Variants in CSMD1 observed in about 807,000 individuals in gnomAD.
CSMD1 encodes CUB and sushi domain-containing protein 1.
In CSMD1, 213 loss-of-function variants were observed where a neutral mutation model predicts 417.5. That is an observed-to-expected ratio of 0.51 (90% CI 0.46 to 0.57). The LOEUF (loss-of-function observed/expected upper bound fraction) is 0.57. Ranked by LOEUF, CSMD1 falls within the 20% of genes least tolerant of loss-of-function variation. CSMD1 has a pLI of 0.00. For synonymous variants in CSMD1, 2,862 were observed against 1,736.8 expected (o/e 1.65, Z -16.11); for missense variants, 6,923 against 4,529.7 (o/e 1.53, Z -15.17).
At chr8:3,879,165 C>A (rs933996693) in intron 5 of CSMD1, among the ~76,000 whole-genome samples, 2 of 152,024 alleles carry the variant, frequency 1.3e-5, no homozygotes, top group Non-Finnish European at 2.9e-5. Flanking sequence ...AAGCCTGGAG[C>A]AGGTGGTGGT....
intron 41 of CSMD1, among the ~76,000 whole-genome samples, chr8:3,140,201 A>C (rs1441330811): frequency 1.3e-5 from 2 of 152,180 alleles, no homozygotes; most frequent in African/African-American, 2.4e-5. Context: ...CACCACACCC[A>C]GCCCCGATTA....
rs1802597283 is a variant in CSMD1 at position 2,951,122 on chromosome 8, T to C, written c.10193A>G (p.Lys3398Arg). The C allele has an allele frequency of 6.2e-7, 1 of 1,612,652 alleles. No homozygotes were observed. Among genetic ancestry groups the C allele is most frequent in the Admixed American group, 1.7e-5 (1 of 59,894 alleles). The change falls in exon 66 of 70, where the codon AAG (lysine) becomes AGG (arginine). Residue 3398 changes from lysine to arginine, a missense_variant. Transcript: ENST00000635120. ...TFSEASPVEL[K>R]LTGIYKKEEA... ...AATTCTTCGGGACCTACCTGTCAAC[T>C]TCAGCTCCACTGGCGAGGCTTCGCT...
intron 2 of CSMD1, among the ~76,000 whole-genome samples, chr8:4,451,413 G>C (rs1799138491): frequency 6.6e-6 from 1 of 152,108 alleles, no homozygotes; most frequent in Non-Finnish European, 1.5e-5. Flanking sequence ...TATGATCAGT[G>C]TTTTCCACAC....
At chr8:4,706,448 G>A (rs534244540) in intron 1 of CSMD1, among the ~76,000 whole-genome samples, 11 of 152,308 alleles carry the variant, frequency 7.2e-5, no homozygotes, top group African/African-American at 2.6e-4. Context: ...AATGAGCTCA[G>A]TAATTCACAA....
chr8:3,857,732 C>G (rs1180303551), intron 5 of CSMD1, among the ~76,000 whole-genome samples: 2 of 152,168 alleles, frequency 1.3e-5, no homozygotes, highest in Non-Finnish European at 2.9e-5. Context: ...TTTACAAAGA[C>G]AGTTTTTGAC....
intron 10 of CSMD1, among the ~76,000 whole-genome samples, chr8:3,543,276 G>C (rs572766342): frequency 1.3e-5 from 2 of 152,318 alleles, no homozygotes; most frequent in African/African-American, 2.4e-5. Context: ...TTTTACAGAG[G>C]ACATCGGAGA....
At chr8:3,997,848 A>G (rs201236301) in intron 5 of CSMD1, 55 bp downstream of exon 5, 12 of 341,698 alleles carry the variant, frequency 3.5e-5, no homozygotes, top group Admixed American at 1.6e-4. Flanking sequence ...TCGTTGGGGG[A>G]AAAAACGGGG....
intron 1 of CSMD1, among the ~76,000 whole-genome samples, chr8:4,810,285 T>C (rs922596517): frequency 1.3e-5 from 2 of 152,360 alleles, no homozygotes; most frequent in African/African-American, 2.4e-5. Context: ...TTCAAATTGA[T>C]TTTCTCATAG....
chr8:3,899,013 G>A (rs1047943935), intron 5 of CSMD1, among the ~76,000 whole-genome samples: 3 of 152,168 alleles, frequency 2.0e-5, no homozygotes, highest in Non-Finnish European at 4.4e-5. Context: ...TGTGCTAGAA[G>A]CCACAAAGGT....
At chr8:4,331,251 G>A (rs759895870) in intron 3 of CSMD1, among the ~76,000 whole-genome samples, 1 of 152,116 alleles carries the variant, frequency 6.6e-6, no homozygotes, top group African/African-American at 2.4e-5. Context: ...CTCTTTCAGA[G>A]AGAAGCCAGG....
intron 3 of CSMD1, among the ~76,000 whole-genome samples, chr8:4,038,579 T>A (rs537881574): frequency 8.5e-5 from 13 of 152,350 alleles, no homozygotes; most frequent in Non-Finnish European, 1.8e-4. Context: ...TCTTTGTGAC[T>A]CCCAGAAGTA....
At chr8:4,703,946 C>G (rs1036289105) in intron 1 of CSMD1, among the ~76,000 whole-genome samples, 1 of 152,140 alleles carries the variant, frequency 6.6e-6, no homozygotes, top group South Asian at 2.1e-4. Context: ...AAGTAGCACA[C>G]AACCTAGATC....
rs137992837 is a variant in CSMD1, at chr8:3,810,898, T to G, written c.819-56856A>C. On this transcript the variant is annotated intron_variant, in intron 5 of 69. Transcript: ENST00000635120. The stretch of plus-strand genomic sequence containing the variant: ...ACGCAGGCATTTTCACCCTGAGATG[T>G]TGAGAAAAGTGCTTCCTCATTCAGC... Among the ~76,000 whole-genome samples the G allele has an allele frequency of 4.6e-5, 7 of 152,142 alleles. 1 individual carries two copies. The South Asian group carries it at 1.2e-3, about 27-fold the overall frequency.
intron 7 of CSMD1, among the ~76,000 whole-genome samples, chr8:3,690,659 G>C (rs538684299): frequency 2.0e-5 from 3 of 152,268 alleles, no homozygotes; most frequent in South Asian, 2.1e-4. Flanking sequence ...TTTGTCCTTA[G>C]GGGCTGTGTG....
intron 1 of CSMD1, among the ~76,000 whole-genome samples, chr8:4,949,374 T>C (rs144950506): frequency 5.3e-5 from 8 of 152,312 alleles, no homozygotes; most frequent in South Asian, 2.1e-4. Flanking sequence ...TTGTGTAAAA[T>C]TGCAGTCATC....
At chr8:4,364,051 A>C (rs537472222) in intron 3 of CSMD1, among the ~76,000 whole-genome samples, 1 of 152,352 alleles carries the variant, frequency 6.6e-6, no homozygotes, top group Non-Finnish European at 1.5e-5. Flanking sequence ...ACTATAATTG[A>C]ATTGTCTGTA....
intron 5 of CSMD1, among the ~76,000 whole-genome samples, chr8:3,986,639 A>G (rs1023947712): frequency 7.2e-5 from 11 of 152,170 alleles, no homozygotes; most frequent in Non-Finnish European, 2.9e-5. Flanking sequence ...TTCCTAAAGT[A>G]CTGCTTTCCT....
intron 3 of CSMD1, among the ~76,000 whole-genome samples, chr8:4,229,011 T>C (rs961542301): frequency 6.6e-6 from 1 of 152,126 alleles, no homozygotes; most frequent in African/African-American, 2.4e-5. Flanking sequence ...TTCCATGAAA[T>C]TGAGACACAT....
intron 5 of CSMD1, among the ~76,000 whole-genome samples, chr8:3,934,885 A>G (rs149485520): frequency 1.7e-3 from 257 of 152,230 alleles, no homozygotes; most frequent in Middle Eastern, 0.01. Context: ...AACAATTGGT[A>G]TATCTGTTTG....
Sources: allele counts gnomAD v4.1 joint callset (sites outside exome capture counted in the v4.1 genomes callset), GRCh38; gene constraint gnomAD v4.1.1; transcripts MANE v1.5; gene names NCBI Gene and HGNC (gene_info 2026-07-23, HGNC 2026-07-21).